Variants in TENM2 observed in about 807,000 individuals in gnomAD.
TENM2 encodes the protein teneurin-2.
A neutral mutation model predicts 245.2 loss-of-function variants in TENM2; 52 were observed. The ratio of observed to expected loss-of-function variants is 0.21; its 90% CI spans 0.17 to 0.27. The LOEUF (loss-of-function observed/expected upper bound fraction) is 0.27. TENM2 is among the 10% of genes least tolerant of loss of function. TENM2 has a pLI of 1.00. For missense variants in TENM2, 3,046 were observed against 3,666.8 expected, an observed-to-expected ratio of 0.83 and a Z score of 4.37; for synonymous variants, 1,363 against 1,438.9, an observed-to-expected ratio of 0.95 and a Z score of 1.19.
At chr5:167,803,268 G>A (rs1765915630) in intron 2 of TENM2, among the ~76,000 whole-genome samples, 1 of 152,054 alleles carries the variant, frequency 6.6e-6, no homozygotes, top group African/African-American at 2.4e-5. Flanking sequence ...ACCAGTCAAG[G>A]TTTCTCCAAG....
chr5:167,562,379 A>T (rs1350441594), intron 2 of TENM2, among the ~76,000 whole-genome samples: 1 of 152,160 alleles, frequency 6.6e-6, no homozygotes, highest in Admixed American at 6.6e-5. Flanking sequence ...CAGATAATAA[A>T]TAATTGCAGA....
the TENM2 span, among the ~76,000 whole-genome samples, chr5:167,075,480 G>A: frequency 1.3e-5 from 2 of 152,176 alleles, no homozygotes; most frequent in East Asian, 1.9e-4. Flanking sequence ...GAAGAAAAAG[G>A]CAAGGCTACA....
intron 2 of TENM2, among the ~76,000 whole-genome samples, chr5:167,590,273 G>A (rs1484983821): frequency 6.6e-6 from 1 of 151,566 alleles, no homozygotes; most frequent in Admixed American, 6.6e-5. Context: ...TAAGGTCTAA[G>A]GTCTTCTTCT....
intron 2 of TENM2, among the ~76,000 whole-genome samples, chr5:167,443,222 T>G (rs549617914): frequency 6.6e-6 from 1 of 152,204 alleles, no homozygotes; most frequent in Admixed American, 6.6e-5. Context: ...AACCAGAGAG[T>G]TGGCATGCAG....
At chr5:167,920,409 T>A (rs561163505) in intron 3 of TENM2, among the ~76,000 whole-genome samples, 17 of 148,478 alleles carry the variant, frequency 1.1e-4, no homozygotes, top group Admixed American at 7.3e-4. Flanking sequence ...TCCCAGCTAC[T>A]CAGGAGACTG....
At chr5:167,063,787 T>A in the TENM2 span, among the ~76,000 whole-genome samples, 1 of 152,242 alleles carries the variant, frequency 6.6e-6, no homozygotes, top group Non-Finnish European at 1.5e-5. Context: ...GCTCCCATCC[T>A]GATAATGAAA....
intron 2 of TENM2, among the ~76,000 whole-genome samples, chr5:167,551,533 G>A (rs79070024): frequency 0.036 from 5,532 of 152,070 alleles, 246 homozygotes; most frequent in Admixed American, 0.11. Context: ...TAACAAAATA[G>A]AAGTGTATAG....
At chr5:167,774,874 T>C (rs1242256844) in intron 2 of TENM2, among the ~76,000 whole-genome samples, 2 of 152,230 alleles carry the variant, frequency 1.3e-5, no homozygotes, top group African/African-American at 4.8e-5. Flanking sequence ...TCCATGATAG[T>C]TTCCCCCCAG....
the TENM2 span, among the ~76,000 whole-genome samples, chr5:167,269,467 T>C: frequency 4.7e-4 from 72 of 152,150 alleles, no homozygotes; most frequent in African/African-American, 1.7e-3. Context: ...TCTCATGTCA[T>C]CATTGAAGCA....
chr5:168,106,064 C>A (rs1195866174), intron 9 of TENM2, among the ~76,000 whole-genome samples: 2 of 152,112 alleles, frequency 1.3e-5, no homozygotes, highest in Non-Finnish European at 2.9e-5. Context: ...CCTCAACCTG[C>A]AGCAGAAAAC....
intron 2 of TENM2, among the ~76,000 whole-genome samples, chr5:167,401,725 T>C (rs1032412987): frequency 6.6e-6 from 1 of 152,180 alleles, no homozygotes; most frequent in Non-Finnish European, 1.5e-5. Flanking sequence ...GCTTTAGGTA[T>C]GGAAATAAAT....
intron 2 of TENM2, among the ~76,000 whole-genome samples, chr5:167,427,957 G>A (rs572379947): frequency 1.2e-4 from 18 of 152,050 alleles, no homozygotes; most frequent in Middle Eastern, 3.4e-3. Context: ...AGGAAGGAAG[G>A]AAAGAAAGAA....
At chr5:167,498,408 C>T (rs2127552802) in intron 2 of TENM2, among the ~76,000 whole-genome samples, 1 of 152,190 alleles carries the variant, frequency 6.6e-6, no homozygotes, top group South Asian at 2.1e-4. Context: ...CTCAGATTCT[C>T]AGGATTTAAT....
chr5:167,049,701 C>A, the TENM2 span, among the ~76,000 whole-genome samples: 1 of 152,132 alleles, frequency 6.6e-6, no homozygotes, highest in Non-Finnish European at 1.5e-5. Flanking sequence ...ATAATTACCC[C>A]TAATTTAGCA....
chr5:167,973,633 C>G (rs542537119), intron 4 of TENM2, among the ~76,000 whole-genome samples: 1 of 152,098 alleles, frequency 6.6e-6, no homozygotes, highest in East Asian at 1.9e-4. Context: ...CTGGCAGATA[C>G]GGGGTCTGAG....
At chr5:167,663,557 A>G (rs201731167) in intron 2 of TENM2, among the ~76,000 whole-genome samples, 1 of 151,902 alleles carries the variant, frequency 6.6e-6, no homozygotes, top group African/African-American at 2.4e-5. Flanking sequence ...TGTATTTCTT[A>G]TTTCTTATTG....
the TENM2 span, among the ~76,000 whole-genome samples, chr5:167,122,719 G>A: frequency 1.3e-5 from 2 of 152,110 alleles, no homozygotes; most frequent in African/African-American, 4.8e-5. Flanking sequence ...TACATTTAGG[G>A]GGAGTAAGGG....
At chr5:167,459,169 C>G (rs1187737530) in intron 2 of TENM2, among the ~76,000 whole-genome samples, 1 of 152,176 alleles carries the variant, frequency 6.6e-6, no homozygotes. Context: ...CCCATACCAT[C>G]TGGAAACCAT....
chr5:167,800,037 G>A (rs913219332), intron 2 of TENM2, among the ~76,000 whole-genome samples: 8 of 152,182 alleles, frequency 5.3e-5, no homozygotes, highest in Admixed American at 4.6e-4. Flanking sequence ...TTACCACCCA[G>A]TGTTGTATGT....
Sources: gnomAD v4.1 joint callset for allele counts (sites outside exome capture counted in the v4.1 genomes callset) on GRCh38, gnomAD v4.1.1 for gene constraint, MANE v1.5 for transcripts, NCBI Gene and HGNC (gene_info 2026-07-23, HGNC 2026-07-21) for gene names.